FARS2: variants seen among roughly 807,000 people sequenced by gnomAD.
The protein encoded by FARS2 is phenylalanyl-tRNA synthetase 2, mitochondrial.
A neutral mutation model predicts 46.4 loss-of-function variants in FARS2; 40 were observed. The ratio of observed to expected loss-of-function variants is 0.86; its 90% CI spans 0.67 to 1.12. FARS2 has a LOEUF of 1.12. FARS2 is among the 50% of genes most tolerant of loss of function. The pLI is 0.00. For synonymous variants in FARS2, 234 were observed against 214.9 expected, an observed-to-expected ratio of 1.09 and a Z score of -0.78; for missense variants, 513 against 567.9, an observed-to-expected ratio of 0.90 and a Z score of 0.98.
chr6:5,638,489 C>T (rs1184786109), intron 6 of FARS2, among the ~76,000 whole-genome samples: 7 of 152,172 alleles, frequency 4.6e-5, no homozygotes, highest in African/African-American at 7.2e-5. Context: ...CGCTTGAACC[C>T]GGGAGGCAGA....
At chr6:5,345,426 T>C (rs1317995784) in intron 1 of FARS2, among the ~76,000 whole-genome samples, 1 of 152,160 alleles carries the variant, frequency 6.6e-6, no homozygotes, top group African/African-American at 2.4e-5. Flanking sequence ...CAGAATATGT[T>C]TGGCAGGAGT....
At chr6:5,738,848 G>T (rs57521672) in intron 6 of FARS2, among the ~76,000 whole-genome samples, 1 of 151,934 alleles carries the variant, frequency 6.6e-6, no homozygotes, top group South Asian at 2.1e-4. Context: ...TATCGTTGTC[G>T]GTTTTTTTCA....
intron 1 of FARS2, among the ~76,000 whole-genome samples, chr6:5,358,227 CT>C (rs1758060663): frequency 6.6e-6 from 1 of 151,894 alleles, no homozygotes; most frequent in South Asian, 2.1e-4. Flanking sequence ...AACTATTCTG[CT>C]TGCTAAATTG....
At chr6:5,573,175 C>T (rs1315109852) in intron 5 of FARS2, among the ~76,000 whole-genome samples, 1 of 152,162 alleles carries the variant, frequency 6.6e-6, no homozygotes. Flanking sequence ...TGTTGTGATA[C>T]AGACTCTGTG....
At chr6:5,480,944 C>T (rs189202651) in intron 4 of FARS2, among the ~76,000 whole-genome samples, 15 of 152,272 alleles carry the variant, frequency 9.9e-5, no homozygotes, top group South Asian at 2.1e-4. Context: ...TATGTGCACA[C>T]GCATACGTGC....
chr6:5,404,504 G>A, intron 2 of FARS2, 38 bp from the exon 3 acceptor site: 1 of 1,468,184 alleles, frequency 6.8e-7, no homozygotes, highest in Non-Finnish European at 9.2e-7. Flanking sequence ...GATGGGCCAG[G>A]ATATTTTCTT....
At chr6:5,257,850 T>C (rs1286684084), upstream of FARS2, among the ~76,000 whole-genome samples, 1 of 152,170 alleles carries the variant, frequency 6.6e-6, no homozygotes, top group African/African-American at 2.4e-5. Context: ...AGCTGTGATA[T>C]AGCACTGGGC....
At chr6:5,408,722 G>A (rs140887544) in intron 3 of FARS2, among the ~76,000 whole-genome samples, 3 of 151,984 alleles carry the variant, frequency 2.0e-5, no homozygotes, top group Non-Finnish European at 4.4e-5. Context: ...GGAAGGAAAG[G>A]AAAGTTAAGA....
intron 2 of FARS2, 29 bp downstream of exon 2, chr6:5,369,211 AAGGATGTCAT>A (rs1561990807): frequency 6.3e-7 from 1 of 1,591,492 alleles, no homozygotes; most frequent in Non-Finnish European, 8.5e-7. Flanking sequence ...CTCATCGCTG[AAGGATGTCAT>A]AGACATTTTA....
intron 6 of FARS2, among the ~76,000 whole-genome samples, chr6:5,720,637 C>T (rs533610662): frequency 3.7e-4 from 56 of 152,300 alleles, no homozygotes; most frequent in African/African-American, 1.3e-3. Context: ...TTTAAATAGC[C>T]TCAAGATCCC....
intron 4 of FARS2, among the ~76,000 whole-genome samples, chr6:5,544,726 T>C (rs1335422734): frequency 2.0e-5 from 3 of 152,234 alleles, no homozygotes; most frequent in African/African-American, 4.8e-5. Flanking sequence ...ACTTTCTTCA[T>C]GTAAGTTCGT....
In FARS2 at chr6:5,270,701, T is replaced by C. The variant is rs115417174; in HGVS notation, c.-22+9041T>C. 3.6e-3 allele frequency among the ~76,000 whole-genome samples: 556 copies of C among 152,332 alleles called. 6 individuals are homozygous for C. Among genetic ancestry groups the C allele is most frequent in the African/African-American group, 0.013 (526 of 41,580 alleles). ...TCTCTCCAAAAACCTGCAGCACTTT[T>C]AGGATGAAGTCTAATTCCTTAACAC... On this transcript the variant is annotated intron_variant, in intron 1 of 6. Transcript: ENST00000274680.
intron 4 of FARS2, among the ~76,000 whole-genome samples, chr6:5,479,872 G>T (rs1766344367): frequency 6.6e-6 from 1 of 152,210 alleles, no homozygotes; most frequent in African/African-American, 2.4e-5. Flanking sequence ...ATACCAGCTA[G>T]CTATATTGAT....
intron 6 of FARS2, among the ~76,000 whole-genome samples, chr6:5,677,952 C>T (rs761573847): frequency 6.6e-5 from 10 of 152,028 alleles, no homozygotes; most frequent in African/African-American, 1.4e-4. Context: ...AGTATGGATT[C>T]GAATGGCATC....
intron 5 of FARS2, among the ~76,000 whole-genome samples, chr6:5,550,923 C>G (rs900518359): frequency 6.6e-6 from 1 of 152,192 alleles, no homozygotes; most frequent in Admixed American, 6.5e-5. Context: ...CCTGATCCTT[C>G]AAAACTTCTG....
intron 4 of FARS2, among the ~76,000 whole-genome samples, chr6:5,530,201 T>C (rs116349058): frequency 6.6e-6 from 1 of 152,162 alleles, no homozygotes; most frequent in Non-Finnish European, 1.5e-5. Flanking sequence ...ACTTTTGTAG[T>C]GTTACAGCTG....
intron 2 of FARS2, among the ~76,000 whole-genome samples, chr6:5,390,269 C>A (rs575406728): frequency 6.6e-6 from 1 of 152,260 alleles, no homozygotes; most frequent in South Asian, 2.1e-4. Context: ...GTTTCCAAGC[C>A]CATGCTTGGC....
At chr6:5,608,800 C>T (rs975598153) in intron 5 of FARS2, among the ~76,000 whole-genome samples, 2 of 152,056 alleles carry the variant, frequency 1.3e-5, no homozygotes, top group African/African-American at 4.8e-5. Context: ...CAAAAAGAAC[C>T]TGGCATCACC....
chr6:5,650,396 A>G (rs1045284657), intron 6 of FARS2, among the ~76,000 whole-genome samples: 2 of 152,052 alleles, frequency 1.3e-5, no homozygotes, highest in Non-Finnish European at 2.9e-5. Context: ...CACATCAGCC[A>G]TAATTCTGCA....
Sources: gnomAD v4.1 joint callset for allele counts (sites outside exome capture counted in the v4.1 genomes callset) on GRCh38, gnomAD v4.1.1 for gene constraint, MANE v1.5 for transcripts, NCBI Gene and HGNC (gene_info 2026-07-23, HGNC 2026-07-21) for gene names.